RALGPS2: variants seen among roughly 807,000 people sequenced by gnomAD.
The protein encoded by RALGPS2 is ras-specific guanine nucleotide-releasing factor RalGPS2.
RALGPS2 carries 43 observed loss-of-function variants against 86.8 expected under a neutral mutation model. That is an observed-to-expected ratio of 0.50 (90% CI 0.39 to 0.64). RALGPS2 has a LOEUF of 0.64. Among genes scored for constraint, RALGPS2 ranks in the 30% least tolerant of loss-of-function variants. RALGPS2 has a pLI of 0.00. For missense variants in RALGPS2, 536 were observed against 694.6 expected (o/e 0.77, Z 2.57); for synonymous variants, 243 against 231.3 (o/e 1.05, Z -0.46).
chr1:178,849,230 A>G (rs1343891583), intron 8 of RALGPS2, among the ~76,000 whole-genome samples: 1 of 152,184 alleles, frequency 6.6e-6, no homozygotes, highest in Non-Finnish European at 1.5e-5. Context: ...CACAGACCCA[A>G]GCAGTTCTGA....
chr1:178,807,568 G>A (rs1654800216), intron 4 of RALGPS2, among the ~76,000 whole-genome samples: 1 of 152,140 alleles, frequency 6.6e-6, no homozygotes, highest in East Asian at 1.9e-4. Context: ...TAATATACAA[G>A]TTTGTGGGCA....
At chr1:178,815,082 T>G (rs113484074) in intron 6 of RALGPS2, among the ~76,000 whole-genome samples, 6,175 of 151,698 alleles carry the variant, frequency 0.041, 167 homozygotes, top group African/African-American at 0.072. Flanking sequence ...TTGTTTGTTT[T>G]TATTTATTTA....
rs1440453626 is a variant in RALGPS2, at chr1:178,852,762, C to T, written c.607+19212C>T. 4.3e-6 allele frequency: 7 copies of T among 1,613,790 alleles called. No homozygotes were observed. The South Asian group carries it at 7.7e-5, about 18-fold the overall frequency. On this transcript the variant is annotated intron_variant, in intron 8 of 19. Coordinates refer to ENST00000367635, the MANE Select transcript of RALGPS2 (RefSeq NM_152663.5). ...ACATCATAGAATCCCCTGCATTTCC[C>T]TGGTAAGTTCCCAGGCGCAGTCTAT...
Position 178,805,322 on chromosome 1 carries a change from C to T in RALGPS2, c.214-2723C>T, listed in dbSNP as rs542254803. Reference sequence around the variant, plus strand: ...TCAATTTTGGCTTTTGTTGCCATTGCTTTTGGTGTTTTAGACATGAAGTCC... The same window carrying T: ...TCAATTTTGGCTTTTGTTGCCATTGTTTTTGGTGTTTTAGACATGAAGTCC... On this transcript the variant is annotated intron_variant, in intron 4 of 19. Transcript: ENST00000367635. Among the ~76,000 whole-genome samples the T allele has an allele frequency of 3.2e-4, 49 of 151,254 alleles. No homozygotes were observed. In the East Asian group the frequency reaches 7.2e-3, roughly 22 times the overall value.
chr1:178,747,542 C>G (rs1651406212), intron 1 of RALGPS2: 11 of 1,612,084 alleles, frequency 6.8e-6, no homozygotes, highest in Non-Finnish European at 9.3e-6. Flanking sequence ...CTTCTGCTGC[C>G]AAACCATAAG....
At chr1:178,903,901 C>G (rs901122489) in intron 18 of RALGPS2, among the ~76,000 whole-genome samples, 1 of 152,140 alleles carries the variant, frequency 6.6e-6, no homozygotes, top group Non-Finnish European at 1.5e-5. Context: ...GGTAGTTCTA[C>G]TTTTAGTTCC....
chr1:178,777,023 C>T (rs1020094091), intron 2 of RALGPS2, among the ~76,000 whole-genome samples: 2 of 151,414 alleles, frequency 1.3e-5, no homozygotes, highest in African/African-American at 2.4e-5. Flanking sequence ...CATATGTATA[C>T]GTGTGCCATG....
At chr1:178,865,384 A>C in intron 8 of RALGPS2, 1 of 1,614,084 alleles carries the variant, frequency 6.2e-7, no homozygotes. Flanking sequence ...TATAGAGTTG[A>C]GTAACACGAG....
chr1:178,750,682 A>G (rs1651602133), intron 1 of RALGPS2, among the ~76,000 whole-genome samples: 1 of 152,164 alleles, frequency 6.6e-6, no homozygotes, highest in African/African-American at 2.4e-5. Flanking sequence ...GTTCGTATTT[A>G]TAATTTCTTG....
intron 8 of RALGPS2, chr1:178,870,863 G>C (rs1382242469): frequency 1.3e-5 from 2 of 152,080 alleles, no homozygotes; most frequent in Non-Finnish European, 2.9e-5. Flanking sequence ...GTTTTGGACC[G>C]TTGAATCCAA....
intron 1 of RALGPS2, among the ~76,000 whole-genome samples, chr1:178,744,817 CAAA>C (rs148175568): frequency 1.5e-4 from 10 of 66,026 alleles, no homozygotes; most frequent in South Asian, 5.7e-4. Context: ...GACTCCATCT[CAAA>C]AAAAAAAAAA....
chr1:178,755,843 A>T (rs549330100), intron 1 of RALGPS2, among the ~76,000 whole-genome samples: 1 of 152,182 alleles, frequency 6.6e-6, no homozygotes, highest in South Asian at 2.1e-4. Flanking sequence ...ATAGCCTCCA[A>T]CATCTCTTAT....
intron 2 of RALGPS2, among the ~76,000 whole-genome samples, chr1:178,783,593 A>G (rs148897704): frequency 4.6e-5 from 7 of 152,312 alleles, no homozygotes; most frequent in African/African-American, 1.2e-4. Context: ...AAACTAATAC[A>G]TAATAGCTGG....
chr1:178,805,063 G>A (rs1190592901), intron 4 of RALGPS2, among the ~76,000 whole-genome samples: 80 of 148,818 alleles, frequency 5.4e-4, no homozygotes, highest in African/African-American at 2.0e-3. Flanking sequence ...TTTTTTGGCT[G>A]CATAAATGTC....
At chr1:178,810,859 T>C (rs544715169) in intron 5 of RALGPS2, among the ~76,000 whole-genome samples, 2 of 152,102 alleles carry the variant, frequency 1.3e-5, no homozygotes, top group Non-Finnish European at 1.5e-5. Context: ...CTTTTTTTCA[T>C]AGTACATGAA....
At chr1:178,906,730 C>A in intron 18 of RALGPS2, 46 bp from the exon 19 acceptor site, 2 of 1,465,820 alleles carry the variant, frequency 1.4e-6, no homozygotes, top group South Asian at 2.4e-5. Context: ...TATTATGTGT[C>A]GTCCTTACAT....
At chr1:178,903,926 C>A (rs1182594062) in intron 18 of RALGPS2, among the ~76,000 whole-genome samples, 1 of 152,314 alleles carries the variant, frequency 6.6e-6, no homozygotes, top group South Asian at 2.1e-4. Context: ...GGAATCTCCA[C>A]ACTGTATTCC....
intron 1 of RALGPS2, among the ~76,000 whole-genome samples, chr1:178,774,248 C>T (rs1388843082): frequency 6.6e-6 from 1 of 151,618 alleles, no homozygotes; most frequent in Admixed American, 6.6e-5. Context: ...GCATGCCAGC[C>T]TGGGCAACAA....
intron 4 of RALGPS2, among the ~76,000 whole-genome samples, chr1:178,785,922 A>G (rs1653628332): frequency 6.6e-6 from 1 of 152,078 alleles, no homozygotes; most frequent in Non-Finnish European, 1.5e-5. Flanking sequence ...ATGTTGACCA[A>G]AAGCCTTACT....
Sources: allele counts gnomAD v4.1 joint callset (sites outside exome capture counted in the v4.1 genomes callset), GRCh38; gene constraint gnomAD v4.1.1; transcripts MANE v1.5; gene names NCBI Gene and HGNC (gene_info 2026-07-23, HGNC 2026-07-21).